H6PD: variants seen among roughly 807,000 people sequenced by gnomAD.
H6PD encodes hexose-6-phosphate dehydrogenase/glucose 1-dehydrogenase.
A neutral mutation model predicts 61.2 loss-of-function variants in H6PD; 48 were observed. The ratio of observed to expected loss-of-function variants is 0.78; its 90% CI spans 0.62 to 1.00. The LOEUF is 1.00. H6PD is among the 50% of genes least tolerant of loss of function. H6PD has a pLI of 0.00. For synonymous variants in H6PD, 480 were observed against 457.9 expected, an observed-to-expected ratio of 1.05 and a Z score of -0.62; for missense variants, 1,093 against 1,065.0, an observed-to-expected ratio of 1.03 and a Z score of -0.37.
At chr1:9,257,287 C>A (rs1641550053) in intron 3 of H6PD, among the ~76,000 whole-genome samples, 2 of 151,560 alleles carry the variant, frequency 1.3e-5, no homozygotes, top group Admixed American at 1.3e-4. Flanking sequence ...CCACACTTGG[C>A]TAATTTTTTT....
At chr1:9,258,770 GTGT>G (rs199704085) in intron 3 of H6PD, among the ~76,000 whole-genome samples, 2,173 of 151,848 alleles carry the variant, frequency 0.014, 57 homozygotes, top group African/African-American at 0.049. Context: ...TGTTATGCTG[GTGT>G]TGTTATGTTG....
At chr1:9,263,409 G>A (rs1638403662) in intron 4 of H6PD, 100 bp from the exon 5 acceptor site, 1 of 1,150,386 alleles carries the variant, frequency 8.7e-7, no homozygotes, top group South Asian at 1.2e-5. Context: ...CTTCCCTGAG[G>A]CAGGGGGACG....
In H6PD at chr1:9,246,958, C is replaced by G. The variant is rs4601607; in HGVS notation, c.628-8C>G. 4.2e-4 allele frequency: 675 copies of G among 1,596,986 alleles called. 3 individuals carry two copies. The highest frequency in any genetic ancestry group is 3.6e-3 in the African/African-American group (272 of 74,726). On this transcript the variant is annotated splice_region_variant and splice_polypyrimidine_tract_variant and intron_variant, in intron 2 of 4. Coordinates refer to ENST00000377403, the MANE Select transcript of H6PD (RefSeq NM_004285.4). ...CCTGCAGCACGCCCAGTCTTCCCCC[C>G]CCGACAGGCTGTGGCGCAGATCCTG... is the stretch of plus-strand genomic sequence containing the variant.
At chr1:9,237,663 C>T (rs1433109107) in intron 1 of H6PD, among the ~76,000 whole-genome samples, 1 of 152,142 alleles carries the variant, frequency 6.6e-6, no homozygotes, top group Non-Finnish European at 1.5e-5. Context: ...GATAGCCTAG[C>T]ATTTGGCATA....
At chr1:9,248,468 G>A (rs1051011900) in intron 3 of H6PD, among the ~76,000 whole-genome samples, 1 of 152,044 alleles carries the variant, frequency 6.6e-6, no homozygotes, top group East Asian at 1.9e-4. Context: ...CGGGTGCTGT[G>A]GGGGGTGATG....
intron 3 of H6PD, among the ~76,000 whole-genome samples, chr1:9,248,122 A>G (rs1163782649): frequency 6.6e-6 from 1 of 152,228 alleles, no homozygotes; most frequent in Non-Finnish European, 1.5e-5. Flanking sequence ...GTCAGTGGCC[A>G]GCTCATCCCC....
At chr1:9,258,731 T>C (rs1195865011) in intron 3 of H6PD, among the ~76,000 whole-genome samples, 1 of 152,136 alleles carries the variant, frequency 6.6e-6, no homozygotes, top group Non-Finnish European at 1.5e-5. Flanking sequence ...TGTTGTTATG[T>C]TGCTGCTGTT....
chr1:9,244,044 A>G (rs113676650), intron 1 of H6PD, among the ~76,000 whole-genome samples: 2 of 152,148 alleles, frequency 1.3e-5, no homozygotes, highest in African/African-American at 4.8e-5. Context: ...TTCCATTTGC[A>G]GAATGGGAGG....
intron 3 of H6PD, among the ~76,000 whole-genome samples, chr1:9,248,957 C>G (rs975357531): frequency 9.9e-5 from 15 of 152,244 alleles, no homozygotes; most frequent in African/African-American, 3.4e-4. Context: ...TGTGCTGGGC[C>G]TATGCCTGCT....
chr1:9,258,994 G>GTTTGTT (rs1206474580), intron 3 of H6PD, among the ~76,000 whole-genome samples: 1 of 152,056 alleles, frequency 6.6e-6, no homozygotes, highest in Non-Finnish European at 1.5e-5. Context: ...TTTTTTGTTT[G>GTTTGTT]TTTGTTTTTG....
Position 9,264,142 on chromosome 1 carries a change from A to T in H6PD, c.1649A>T (p.Tyr550Phe). The T allele has an allele frequency of 1.2e-6, 2 of 1,613,584 alleles. No homozygotes were observed. Among genetic ancestry groups the T allele is most frequent in the Non-Finnish European group, 1.7e-6 (2 of 1,179,740 alleles). Reference sequence around the variant, plus strand: ...GACTTCCAGGTCCTCAGGGCCAAGTACCGAGAGAGCCCGCTGGTCTCCGCC... The same window carrying T: ...GACTTCCAGGTCCTCAGGGCCAAGTTCCGAGAGAGCCCGCTGGTCTCCGCC... The part of the protein sequence containing the change: ...PSDFQVLRAK[Y>F]RESPLVSAWS... Residue 550 changes from tyrosine to phenylalanine, a missense_variant, in exon 5 of 5, where the codon TAC becomes TTC. Physicochemically the swap from Tyr to Phe is conservative, Grantham distance 22 (BLOSUM62 3). Transcript: ENST00000377403.
At chr1:9,242,793 GCTC>G (rs919671275) in intron 1 of H6PD, 18 of 985,484 alleles carry the variant, frequency 1.8e-5, no homozygotes, top group East Asian at 2.3e-4. Flanking sequence ...CCAGCTGGCG[GCTC>G]CTCCTTCTCC....
chr1:9,237,160 G>A (rs1391848120), intron 1 of H6PD, among the ~76,000 whole-genome samples: 9 of 151,212 alleles, frequency 6.0e-5, no homozygotes, highest in Non-Finnish European at 1.3e-4. Context: ...GGGAAGGTTA[G>A]CTCTGGGACC....
At chr1:9,259,738 C>T (rs549143439) in intron 3 of H6PD, among the ~76,000 whole-genome samples, 16 of 148,126 alleles carry the variant, frequency 1.1e-4, no homozygotes, top group South Asian at 2.2e-4. Flanking sequence ...GTTGTTACAC[C>T]GGTGTTATGT....
chr1:9,267,517 GAAT>G lies in H6PD; in HGVS notation c.*2653_*2655del, dbSNP rs1404592310. The G allele has an allele frequency of 1.3e-5, 2 of 152,264 alleles. No homozygotes were observed. The highest frequency in any genetic ancestry group is 6.5e-5 in the Admixed American group (1 of 15,284). 9.4% of individuals were successfully genotyped at this position (152,264 alleles called of 1,614,324 possible). ...GGCCGGCCCTTGATGTGCCATTTCT[GAAT>G]AATAGTCACTGCCGCCGAGTCTAGG... On this transcript the variant is annotated 3_prime_UTR_variant, in exon 5 of 5. Coordinates refer to ENST00000377403, the MANE Select transcript of H6PD (RefSeq NM_004285.4).
chr1:9,262,075 TGAG>T lies in H6PD; in HGVS notation c.766_768del (p.Glu256del). 1 of 1,614,180 alleles carries T rather than the reference TGAG, an allele frequency of 6.2e-7. No individual in the cohort carries two copies. The highest frequency in any genetic ancestry group is 8.5e-7 in the Non-Finnish European group (1 of 1,180,018). On this transcript the variant is annotated inframe_deletion, in exon 4 of 5. Transcript: ENST00000377403. ...CTCCACCAGGCCGCACCAGCTTCTA[TGAG>T]GAGTACGGTGTCATTCGCGACGTCC...
rs757161663 is a variant in H6PD at position 9,263,729 on chromosome 1, G to A, written c.1236G>A (p.Val412=). The change falls in exon 5 of 5, where the codon GTG becomes GTA. Residue 412 remains valine (V), a synonymous_variant. Coordinates refer to ENST00000377403, the MANE Select transcript of H6PD (RefSeq NM_004285.4). ...ATGGCGACCTGGGCAGCCCTGCCGTGCTGGTCAGCAGGAACCTGTTCAGGC... is the reference window on the plus strand; with the variant it reads ...ATGGCGACCTGGGCAGCCCTGCCGTACTGGTCAGCAGGAACCTGTTCAGGC... The part of the protein sequence containing the change: ...IGHGDLGSPA[V]LVSRNLFRPS... 7 of 1,613,864 alleles carry A rather than the reference G, an allele frequency of 4.3e-6. No homozygotes were observed. In the South Asian group the frequency reaches 6.6e-5, roughly 15 times the overall value.
rs1164474903 is a variant in H6PD, at chr1:9,264,023, G to T, written c.1530G>T (p.Leu510=). 3 of 1,614,120 alleles carry T rather than the reference G, an allele frequency of 1.9e-6. No homozygotes were observed. Among genetic ancestry groups the T allele is most frequent in the Middle Eastern group, 3.3e-4 (2 of 6,084 alleles). The change falls in exon 5 of 5, where the codon CTG becomes CTT. Residue 510 remains leucine (L), a synonymous_variant. Transcript: ENST00000377403. ...LYPGGAENGR[L]LDFEFSSGRL... is the part of the protein sequence containing the mutation. Reference sequence around the variant, plus strand: ...CTGGAGGAGCTGAGAATGGCCGTCTGTTGGACTTTGAGTTCAGTAGCGGCC... The same window carrying T: ...CTGGAGGAGCTGAGAATGGCCGTCTTTTGGACTTTGAGTTCAGTAGCGGCC...
At chr1:9,240,008 C>T in intron 1 of H6PD, 1 of 1,231,222 alleles carries the variant, frequency 8.1e-7, no homozygotes, top group South Asian at 4.1e-5. Flanking sequence ...GTTAGCAGAG[C>T]CTTTTAACTG....
Sources: gnomAD v4.1 joint callset for allele counts (sites outside exome capture counted in the v4.1 genomes callset) on GRCh38, gnomAD v4.1.1 for gene constraint, MANE v1.5 for transcripts, NCBI Gene and HGNC (gene_info 2026-07-23, HGNC 2026-07-21) for gene names.